The following ZNF521 variants were observed in gnomAD, a reference collection of about 807,000 sequenced individuals.
ZNF521 encodes zinc finger protein 521.
Under a neutral mutation model 105.5 loss-of-function variants are expected in ZNF521, and 14 were observed. The observed-to-expected ratio is 0.13, with a 90% CI of 0.09 to 0.21. The LOEUF (loss-of-function observed/expected upper bound fraction) is 0.21, where lower values mean the gene tolerates loss of function less well. ZNF521 is among the 10% of genes least tolerant of loss of function. The pLI is 1.00. For missense variants in ZNF521, 1,233 were observed against 1,629.7 expected, an observed-to-expected ratio of 0.76 and a Z score of 4.19; for synonymous variants, 635 against 606.0, an observed-to-expected ratio of 1.05 and a Z score of -0.70.
intron 3 of ZNF521, among the ~76,000 whole-genome samples, chr18:25,300,758 G>A: frequency 6.6e-6 from 1 of 152,280 alleles, no homozygotes; most frequent in Non-Finnish European, 1.5e-5. Flanking sequence ...TTTAATTTCA[G>A]TAAGGATAGA....
intron 3 of ZNF521, among the ~76,000 whole-genome samples, chr18:25,309,791 G>T (rs114501344): frequency 0.012 from 1,781 of 152,168 alleles, 33 homozygotes; most frequent in African/African-American, 0.04. Flanking sequence ...TAAAACAGAA[G>T]AAGTTAAGTT....
At chr18:25,065,583 C>T (rs1314659252) in intron 7 of ZNF521, among the ~76,000 whole-genome samples, 1 of 151,860 alleles carries the variant, frequency 6.6e-6, no homozygotes, top group African/African-American at 2.4e-5. Flanking sequence ...CCTGTATTTA[C>T]CTAAATGATA....
intron 5 of ZNF521, among the ~76,000 whole-genome samples, chr18:25,094,663 G>A (rs2033815940): frequency 6.6e-6 from 1 of 152,006 alleles, no homozygotes; most frequent in African/African-American, 2.4e-5. Flanking sequence ...TGATCTCCTA[G>A]TTATTTCCAT....
intron 3 of ZNF521, among the ~76,000 whole-genome samples, chr18:25,317,530 G>T (rs1912706251): frequency 6.6e-6 from 1 of 152,138 alleles, no homozygotes. Context: ...CCAAAGCCAT[G>T]ATTTCTTGCT....
chr18:25,195,572 T>TA (rs34511439), intron 4 of ZNF521, among the ~76,000 whole-genome samples: 70,588 of 150,846 alleles, frequency 0.47, 17,172 homozygotes, highest in Non-Finnish European at 0.54. Flanking sequence ...ACATGCGTAT[T>TA]AAAAAAAAAT....
At chr18:25,172,203 C>G (rs2035461007) in intron 5 of ZNF521, among the ~76,000 whole-genome samples, 2 of 152,114 alleles carry the variant, frequency 1.3e-5, no homozygotes, top group African/African-American at 4.8e-5. Context: ...GAAATTATAT[C>G]AGACATTCAA....
intron 5 of ZNF521, among the ~76,000 whole-genome samples, chr18:25,156,046 A>G (rs1249730204): frequency 6.6e-6 from 1 of 152,224 alleles, no homozygotes; most frequent in African/African-American, 2.4e-5. Flanking sequence ...TAAGGACTAT[A>G]GTTAGTGATA....
rs577127997 is a variant in ZNF521 at position 25,336,721 on chromosome 18, G to C, written c.40+14186C>G. Reference sequence around the variant, plus strand: ...GAATCCCTCTAGCCCCCACAAAACAGGCTTCAGAAAGGGCTATGTGCTACC... The same window carrying C: ...GAATCCCTCTAGCCCCCACAAAACACGCTTCAGAAAGGGCTATGTGCTACC... On this transcript the variant is annotated intron_variant, in intron 2 of 7. Transcript: ENST00000361524. 2.0e-5 allele frequency among the ~76,000 whole-genome samples: 3 copies of C among 152,250 alleles called. No homozygotes were observed. The East Asian group carries it at 5.8e-4, about 29-fold the overall frequency.
chr18:25,167,626 C>T (rs2035368201), intron 5 of ZNF521, among the ~76,000 whole-genome samples: 1 of 152,140 alleles, frequency 6.6e-6, no homozygotes, highest in Admixed American at 6.5e-5. Flanking sequence ...AGAAATGTCT[C>T]AAATTATACC....
In ZNF521 at chr18:25,104,930, G is replaced by A. The variant is rs79157601; in HGVS notation, c.3659-12849C>T. On this transcript the variant is annotated intron_variant, in intron 5 of 7. Coordinates refer to ENST00000361524, the MANE Select transcript of ZNF521 (RefSeq NM_015461.3). Reference sequence around the variant, plus strand: ...ACTTATATTTAGAGAAAAATGCCCAGGCAAAATAATTTTTTTTCTCTGGGA... The same window carrying A: ...ACTTATATTTAGAGAAAAATGCCCAAGCAAAATAATTTTTTTTCTCTGGGA... 9.1e-3 allele frequency among the ~76,000 whole-genome samples: 1,392 copies of A among 152,230 alleles called. 47 individuals are homozygous for A. The highest frequency in any genetic ancestry group is 0.057 in the Admixed American group (871 of 15,266).
chr18:25,082,956 G>T (rs2033535181), intron 7 of ZNF521, among the ~76,000 whole-genome samples: 1 of 151,578 alleles, frequency 6.6e-6, no homozygotes, highest in Admixed American at 6.6e-5. Context: ...CTTTGGATGT[G>T]CTGTGAATAC....
chr18:25,322,553 ACCCC>A (rs71375177), intron 2 of ZNF521, among the ~76,000 whole-genome samples: 8 of 122,256 alleles, frequency 6.5e-5, no homozygotes, highest in South Asian at 2.6e-4. Context: ...AAAAAAAAAA[ACCCC>A]CCCACTGTGC....
At chr18:25,313,591 A>T (rs1018781368) in intron 3 of ZNF521, among the ~76,000 whole-genome samples, 2 of 152,204 alleles carry the variant, frequency 1.3e-5, no homozygotes, top group African/African-American at 4.8e-5. Context: ...AAAGAATAAC[A>T]TACATTCTCT....
At position 25,225,188 on chromosome 18, in the gene ZNF521, G is replaced by A. The variant is rs773339395; in HGVS notation, c.2730C>T (p.Asn910=). Residue 910 remains asparagine, a synonymous_variant, in exon 4 of 8, where the codon AAC becomes AAT. Coordinates refer to ENST00000361524, the MANE Select transcript of ZNF521 (RefSeq NM_015461.3). The surrounding 1 kb of genome is among the most constrained non-coding windows in gnomAD (Gnocchi z 5.6). The part of the protein sequence containing the change: ...LLQNHQLRDH[N]IRPGESAIVK... ...CGATGGCACTTTCTCCAGGTCTGAT[G>A]TTGTGGTCTCGGAGCTGGTGATTCT... 1 of 1,614,004 alleles carries A rather than the reference G, an allele frequency of 6.2e-7. No homozygotes were observed. Among genetic ancestry groups the A allele is most frequent in the Non-Finnish European group, 8.5e-7 (1 of 1,180,032 alleles).
chr18:25,130,910 T>C (rs1051374158), intron 5 of ZNF521, among the ~76,000 whole-genome samples: 3 of 152,152 alleles, frequency 2.0e-5, no homozygotes, highest in African/African-American at 7.2e-5. Flanking sequence ...ACCACTGCAC[T>C]CCAGCCTGGG....
intron 3 of ZNF521, among the ~76,000 whole-genome samples, chr18:25,284,307 A>G (rs1910559481): frequency 1.3e-5 from 2 of 152,090 alleles, no homozygotes; most frequent in South Asian, 2.1e-4. Context: ...ATAAACATTT[A>G]CACACACACA....
chr18:25,092,138 C>T lies in ZNF521; in HGVS notation c.3659-57G>A, dbSNP rs539388807. 26 of 1,597,316 alleles carry T rather than the reference C, an allele frequency of 1.6e-5. No homozygotes were observed. In the African/African-American group the frequency reaches 3.0e-4, roughly 18 times the overall value. ...GAAAACCTGTCATATCTTTAATACA[C>T]TAGAGAGTTATCTTTAATTGCATAT... is the stretch of plus-strand genomic sequence containing the variant. On this transcript the variant is annotated intron_variant, in intron 5 of 7. Coordinates refer to ENST00000361524, the MANE Select transcript of ZNF521 (RefSeq NM_015461.3).
intron 4 of ZNF521, among the ~76,000 whole-genome samples, chr18:25,206,349 C>T (rs1425378656): frequency 1.3e-5 from 2 of 152,134 alleles, no homozygotes; most frequent in Non-Finnish European, 2.9e-5. Flanking sequence ...ATTAGTTACA[C>T]ATAACAAATT....
chr18:25,187,048 T>A (rs1389492167), intron 5 of ZNF521, among the ~76,000 whole-genome samples: 1 of 152,174 alleles, frequency 6.6e-6, no homozygotes, highest in Non-Finnish European at 1.5e-5. Flanking sequence ...TTTATTAGTT[T>A]GGTTTAAAAA....
Sources: allele counts gnomAD v4.1 joint callset (sites outside exome capture counted in the v4.1 genomes callset), GRCh38; gene constraint gnomAD v4.1.1; non-coding constraint Gnocchi (gnomAD v3.1); transcripts MANE v1.5; gene names NCBI Gene and HGNC (gene_info 2026-07-23, HGNC 2026-07-21).